The following PDK2 variants were observed in gnomAD, a reference collection of about 807,000 sequenced individuals.
PDK2 encodes pyruvate dehydrogenase kinase, isozyme 2.
A neutral mutation model predicts 50.4 loss-of-function variants in PDK2; 34 were observed. The ratio of observed to expected loss-of-function variants is 0.68; its 90% CI spans 0.51 to 0.90. The LOEUF is 0.90. PDK2 is among the 40% of genes least tolerant of loss of function. The probability of loss-of-function intolerance (pLI) is 0.00; values close to 1 mark genes in which losing one functional copy is unlikely to be tolerated. For missense variants in PDK2, 377 were observed against 544.5 expected (o/e 0.69, Z 3.06); for synonymous variants, 232 against 216.0 (o/e 1.07, Z -0.65).
At chr17:50,105,651 C>T (rs939178526) in intron 3 of PDK2, among the ~76,000 whole-genome samples, 7 of 152,180 alleles carry the variant, frequency 4.6e-5, no homozygotes, top group East Asian at 1.9e-4. Flanking sequence ...TCCCTGAGCC[C>T]GGTGGGCAAG....
intron 1 of PDK2, chr17:50,096,073 G>A: frequency 3.1e-6 from 3 of 971,072 alleles, no homozygotes; most frequent in Non-Finnish European, 3.7e-6. Context: ...GGGGAAGGGG[G>A]CTCTTTCAGA....
chr17:50,109,465 G>A lies in PDK2; in HGVS notation c.1083+65G>A. On this transcript the variant is annotated intron_variant, in intron 10 of 10. Coordinates refer to ENST00000503176, the MANE Select transcript of PDK2 (RefSeq NM_002611.5). The surrounding 1 kb of genome is among the most constrained non-coding windows in gnomAD (Gnocchi z 5.0). ...TTGCTGATAGGACCTGGGCAGCCTTGGCCAGCTGCGAGCTTTCCTTTCCAT... is the reference window on the plus strand; with the variant it reads ...TTGCTGATAGGACCTGGGCAGCCTTAGCCAGCTGCGAGCTTTCCTTTCCAT... The A allele has an allele frequency of 7.9e-6, 8 of 1,007,460 alleles. No individual in the cohort carries two copies. In the South Asian group the frequency reaches 1.2e-4, roughly 16 times the overall value. The allele number at this position is 1,007,460 out of a possible 1,614,324, so 62.4% of individuals were successfully genotyped here.
At chr17:50,107,193 G>C (rs1171714507) in intron 6 of PDK2, 40 bp downstream of exon 6, 1 of 1,561,520 alleles carries the variant, frequency 6.4e-7, no homozygotes, top group East Asian at 2.2e-5. Flanking sequence ...TCTTGGGGCT[G>C]GGGACGTGGC....
chr17:50,100,544 G>C (rs12452327), intron 2 of PDK2, among the ~76,000 whole-genome samples: 15,652 of 152,194 alleles, frequency 0.1, 1,101 homozygotes, highest in East Asian at 0.38. Context: ...CCAGGCTGCC[G>C]GGCAGCAACA....
intron 2 of PDK2, among the ~76,000 whole-genome samples, chr17:50,099,686 G>GT (rs1910122961): frequency 2.0e-5 from 3 of 152,168 alleles, no homozygotes; most frequent in Admixed American, 2.0e-4. Flanking sequence ...CCAGCTACTC[G>GT]GGAGGCTGAG....
chr17:50,098,148 A>G (rs1248551417), intron 2 of PDK2, among the ~76,000 whole-genome samples: 2 of 152,204 alleles, frequency 1.3e-5, no homozygotes, highest in African/African-American at 4.8e-5. Flanking sequence ...TCAAGAACTC[A>G]AGTTAAGTAA....
At chr17:50,097,037 A>G (rs1241772052) in intron 1 of PDK2, among the ~76,000 whole-genome samples, 1 of 152,218 alleles carries the variant, frequency 6.6e-6, no homozygotes, top group Admixed American at 6.5e-5. Context: ...GCCAGAGCCC[A>G]GTCCTAGGTA....
intron 1 of PDK2, among the ~76,000 whole-genome samples, 166 bp from the exon 2 acceptor site, chr17:50,097,257 G>A (rs1044434848): frequency 1.3e-5 from 2 of 152,190 alleles, no homozygotes; most frequent in Non-Finnish European, 2.9e-5. Flanking sequence ...GGCATGGGGT[G>A]TAGGTGTTTG....
Position 50,108,178 on chromosome 17 carries a change from T to C in PDK2, c.708T>C (p.Ile236=). Residue 236 remains isoleucine, a synonymous_variant, in exon 7 of 11, where the codon ATT becomes ATC. Coordinates refer to ENST00000503176, the MANE Select transcript of PDK2 (RefSeq NM_002611.5). The part of the protein sequence containing the change: ...EINAANSKQP[I]HMVYVPSHLY... The stretch of plus-strand genomic sequence containing the variant: ...TAGCAGCCAACTCCAAACAGCCGAT[T>C]CACATGGTCTACGTCCCCTCCCACC... 1 of 1,596,846 alleles carries C rather than the reference T, an allele frequency of 6.3e-7. No homozygotes were observed.
chr17:50,096,453 G>A (rs1001288873), intron 1 of PDK2, among the ~76,000 whole-genome samples: 6 of 152,184 alleles, frequency 3.9e-5, no homozygotes, highest in African/African-American at 1.4e-4. Flanking sequence ...CAAGAGTTGA[G>A]TTGATAGTGC....
chr17:50,098,700 C>T (rs1209977363), intron 2 of PDK2: 1 of 152,084 alleles, frequency 6.6e-6, no homozygotes, highest in Non-Finnish European at 1.5e-5. Flanking sequence ...TATGCATGGA[C>T]CTGTGGATAT....
chr17:50,097,393 T>A (rs373153770), intron 1 of PDK2, 30 bp from the exon 2 acceptor site: 1 of 1,611,078 alleles, frequency 6.2e-7, no homozygotes, highest in African/African-American at 1.3e-5. Flanking sequence ...AGTCTGTGGC[T>A]CTGTGGCTCA....
intron 2 of PDK2, among the ~76,000 whole-genome samples, chr17:50,103,563 C>G (rs1299278532): frequency 6.6e-6 from 1 of 152,202 alleles, no homozygotes; most frequent in Non-Finnish European, 1.5e-5. Context: ...ATAACAATCC[C>G]CATTTTCCTA....
At position 50,101,509 on chromosome 17, in the gene PDK2, C is replaced by T. The variant is rs1312851874; in HGVS notation, c.261-3862C>T. On this transcript the variant is annotated intron_variant, in intron 2 of 10. Coordinates refer to ENST00000503176, the MANE Select transcript of PDK2 (RefSeq NM_002611.5). This position sits in a 1 kb window ranked among gnomAD's most constrained non-coding sequence, Gnocchi z 4.2. ...TCCCCCAAGTGCAGCGAGCACCCTC[C>T]TCCCCAGCCTTTGCCTTGTTTACAC... Among the ~76,000 whole-genome samples, 1 of 152,198 alleles carries T rather than the reference C, an allele frequency of 6.6e-6. No individual in the cohort carries two copies. Among genetic ancestry groups the T allele is most frequent in the Non-Finnish European group, 1.5e-5 (1 of 68,020 alleles).
chr17:50,108,208 C>T lies in PDK2; in HGVS notation c.738C>T (p.Tyr246=), dbSNP rs777607642. 3 of 1,599,196 alleles carry T rather than the reference C, an allele frequency of 1.9e-6. No individual in the cohort carries two copies. Among genetic ancestry groups the T allele is most frequent in the Non-Finnish European group, 2.6e-6 (3 of 1,171,688 alleles). ...IHMVYVPSHL[Y]HMLFELFKNA... is the part of the protein sequence containing the mutation. Reference sequence around the variant, plus strand: ...TGGTCTACGTCCCCTCCCACCTCTACCACATGCTCTTTGAGCTCTTCAAGG... The same window carrying T: ...TGGTCTACGTCCCCTCCCACCTCTATCACATGCTCTTTGAGCTCTTCAAGG... Residue 246 remains tyrosine, a synonymous_variant, in exon 7 of 11, where the codon TAC becomes TAT. Coordinates refer to ENST00000503176, the MANE Select transcript of PDK2 (RefSeq NM_002611.5).
chr17:50,095,676 G>T, intron 1 of PDK2, 123 bp downstream of exon 1: 1 of 1,463,782 alleles, frequency 6.8e-7, no homozygotes, highest in Non-Finnish European at 9.1e-7. Flanking sequence ...TGTTTGGAAA[G>T]GTACAGGCAG....
intron 2 of PDK2, among the ~76,000 whole-genome samples, chr17:50,102,127 C>T (rs992901969): frequency 6.6e-5 from 10 of 152,226 alleles, no homozygotes; most frequent in Admixed American, 5.2e-4. Context: ...GATCAAGAAC[C>T]GGCCCAAGGT....
chr17:50,095,662 G>C, intron 1 of PDK2, 109 bp downstream of exon 1: 1 of 1,483,554 alleles, frequency 6.7e-7, no homozygotes, highest in Non-Finnish European at 9.0e-7. Context: ...TGACAGAGAA[G>C]GGTTGTTTGG....
intron 2 of PDK2, among the ~76,000 whole-genome samples, chr17:50,102,219 A>G (rs1026470254): frequency 2.6e-5 from 4 of 152,034 alleles, no homozygotes; most frequent in African/African-American, 9.7e-5. Context: ...TCTCCCCTCC[A>G]TTCCAAGAGT....
Sources: allele counts gnomAD v4.1 joint callset (sites outside exome capture counted in the v4.1 genomes callset), GRCh38; gene constraint gnomAD v4.1.1; non-coding constraint Gnocchi (gnomAD v3.1); transcripts MANE v1.5; gene names NCBI Gene and HGNC (gene_info 2026-07-23, HGNC 2026-07-21).